The following RNF149 variants were observed in gnomAD, a reference collection of about 807,000 sequenced individuals.
The protein encoded by RNF149 is E3 ubiquitin-protein ligase RNF149.
In RNF149, 21 loss-of-function variants were observed where a neutral mutation model predicts 39.0. The ratio of observed to expected loss-of-function variants is 0.54; its 90% CI spans 0.38 to 0.77. RNF149 has a LOEUF of 0.77. Among genes scored for constraint, RNF149 ranks in the 30% least tolerant of loss-of-function variants. The probability of loss-of-function intolerance (pLI) is 0.00; values close to 1 mark genes in which losing one functional copy is unlikely to be tolerated. For missense variants in RNF149, 493 were observed against 534.9 expected (o/e 0.92, Z 0.77); for synonymous variants, 209 against 213.6 (o/e 0.98, Z 0.19).
downstream of RNF149, chr2:101,273,224 G>C (rs886653454): frequency 3.4e-6 from 3 of 890,800 alleles, no homozygotes; most frequent in African/African-American, 1.7e-5. Context: ...CGAGGAAACA[G>C]GACAGCAGGC....
chr2:101,304,835 A>ATTTTTTTTTTTTTTTTTTTTTTTTTTTT (rs11340908), intron 1 of RNF149, among the ~76,000 whole-genome samples: 1 of 89,750 alleles, frequency 1.1e-5, no homozygotes, highest in Non-Finnish European at 2.2e-5. Context: ...GACTACTAGT[A>ATTTTTTTTTTTTTTTTTTTTTTTTTTTT]TTTTTTTTTT....
intron 6 of RNF149, 117 bp from the exon 7 acceptor site, chr2:101,277,398 A>C: frequency 7.3e-7 from 1 of 1,376,690 alleles, no homozygotes. Context: ...AGAAAAAAAA[A>C]TTTTTTTTGA....
intron 5 of RNF149, among the ~76,000 whole-genome samples, chr2:101,284,587 C>A (rs12712094): frequency 0.39 from 59,772 of 151,814 alleles, 12,296 homozygotes; most frequent in East Asian, 0.52. Flanking sequence ...TCAAAAAAAA[C>A]CAAACAAATC....
intron 1 of RNF149, among the ~76,000 whole-genome samples, chr2:101,305,250 T>C (rs535278913): frequency 3.9e-5 from 6 of 152,334 alleles, no homozygotes; most frequent in African/African-American, 1.4e-4. Flanking sequence ...CTAGTCACAC[T>C]GACTAAATAC....
Position 101,302,630 on chromosome 2 carries a change from T to C in RNF149, c.460+5499A>G, listed in dbSNP as rs149921417. ...CTGCCACTCAGAATGTCCTATAGCC[T>C]ACTCACCTCTACCGCACACAACACA... On this transcript the variant is annotated intron_variant, in intron 1 of 6. Coordinates refer to ENST00000295317, the MANE Select transcript of RNF149 (RefSeq NM_173647.4). Among the ~76,000 whole-genome samples the C allele has an allele frequency of 6.2e-3, 949 of 152,264 alleles. 4 individuals are homozygous for C. The highest frequency in any genetic ancestry group is 0.022 in the African/African-American group (908 of 41,556).
chr2:101,280,947 T>C (rs1259779640), intron 6 of RNF149, among the ~76,000 whole-genome samples: 2 of 152,140 alleles, frequency 1.3e-5, no homozygotes, highest in African/African-American at 2.4e-5. Flanking sequence ...GGTGGCAGGA[T>C]TGGTTAAGCC....
At chr2:101,274,776 A>T (rs1682264748), downstream of RNF149, among the ~76,000 whole-genome samples, 3 of 152,162 alleles carry the variant, frequency 2.0e-5, no homozygotes, top group Admixed American at 2.0e-4. Flanking sequence ...ATTTTCCCCT[A>T]GCATTTCTTT....
In RNF149 at chr2:101,277,191, T is replaced by C; in HGVS notation, c.*47A>G. 6.2e-7 allele frequency: 1 copy of C among 1,609,632 alleles called. No individual in the cohort carries two copies. Among genetic ancestry groups the C allele is most frequent in the Non-Finnish European group, 8.5e-7 (1 of 1,177,502 alleles). ...AAAGTAAAAAAAATAAAATGTCCTTTAGTTCAAGCCAAACTTCTGTTGGTG... is the reference window on the plus strand; with the variant it reads ...AAAGTAAAAAAAATAAAATGTCCTTCAGTTCAAGCCAAACTTCTGTTGGTG... On this transcript the variant is annotated 3_prime_UTR_variant, in exon 7 of 7. Coordinates refer to ENST00000295317, the MANE Select transcript of RNF149 (RefSeq NM_173647.4).
At chr2:101,274,389 G>T (rs565317154), downstream of RNF149, among the ~76,000 whole-genome samples, 2 of 152,216 alleles carry the variant, frequency 1.3e-5, no homozygotes, top group Non-Finnish European at 2.9e-5. Flanking sequence ...GCTGTATGGC[G>T]TGTGAAGTCA....
intron 3 of RNF149, among the ~76,000 whole-genome samples, chr2:101,292,972 C>CTTTTTTTTTTTTTTT (rs34103366): frequency 7.7e-6 from 1 of 130,556 alleles, no homozygotes. Context: ...GAGATGTGAT[C>CTTTTTTTTTTTTTTT]TTTTTTTTTT....
chr2:101,288,525 A>AT (rs1196319056), intron 4 of RNF149, among the ~76,000 whole-genome samples: 3 of 152,062 alleles, frequency 2.0e-5, no homozygotes, highest in Non-Finnish European at 4.4e-5. Flanking sequence ...AGCCAGGAAT[A>AT]TTGATTTTAA....
chr2:101,279,297 T>C (rs1163318170), intron 6 of RNF149, among the ~76,000 whole-genome samples: 3 of 152,332 alleles, frequency 2.0e-5, no homozygotes, highest in East Asian at 1.9e-4. Flanking sequence ...CATGATTTCA[T>C]GATTTCTACC....
Position 101,289,014 on chromosome 2 carries a change from T to C in RNF149, c.822A>G (p.Glu274=). ...TAATAATATCCTTTACTTTGAAATT[T>C]TCAATACACACTGCACAATTTTCAG... is the stretch of plus-strand genomic sequence containing the variant. The part of the protein sequence containing the change: ...VDAENCAVCI[E]NFKVKDIIRI... The change falls in exon 4 of 7, where the codon GAA becomes GAG. Residue 274 remains glutamate, a synonymous_variant. Coordinates refer to ENST00000295317, the MANE Select transcript of RNF149 (RefSeq NM_173647.4). 1 of 1,594,410 alleles carries C rather than the reference T, an allele frequency of 6.3e-7. No homozygotes were observed. Among genetic ancestry groups the C allele is most frequent in the Non-Finnish European group, 8.6e-7 (1 of 1,163,334 alleles).
At chr2:101,289,492 G>T (rs528950543) in intron 3 of RNF149, among the ~76,000 whole-genome samples, 1 of 152,054 alleles carries the variant, frequency 6.6e-6, no homozygotes, top group African/African-American at 2.4e-5. Context: ...GGATCATGGG[G>T]TCAGGAGATT....
At chr2:101,307,380 T>C (rs1683706502) in intron 1 of RNF149, among the ~76,000 whole-genome samples, 1 of 152,198 alleles carries the variant, frequency 6.6e-6, no homozygotes, top group Admixed American at 6.5e-5. Context: ...ATGGGGTCTA[T>C]GTTGGCCAGG....
At chr2:101,289,486 C>G (rs997163576) in intron 3 of RNF149, among the ~76,000 whole-genome samples, 1 of 152,074 alleles carries the variant, frequency 6.6e-6, no homozygotes, top group African/African-American at 2.4e-5. Context: ...GAGGGCGGAT[C>G]ATGGGGTCAG....
chr2:101,297,243 G>A (rs1459952338), intron 1 of RNF149, among the ~76,000 whole-genome samples: 4 of 150,084 alleles, frequency 2.7e-5, no homozygotes, highest in Non-Finnish European at 4.4e-5. Context: ...TGGTCAACTT[G>A]GAAAAAATAG....
chr2:101,300,809 G>T (rs2104430723), intron 1 of RNF149, among the ~76,000 whole-genome samples: 1 of 152,326 alleles, frequency 6.6e-6, no homozygotes, highest in Admixed American at 6.5e-5. Context: ...ACATTTCAGG[G>T]GATGAACTGG....
chr2:101,292,882 T>C (rs1368605682), intron 3 of RNF149, among the ~76,000 whole-genome samples: 1 of 152,268 alleles, frequency 6.6e-6, no homozygotes, highest in East Asian at 1.9e-4. Context: ...TGTGCAGAGT[T>C]TGTCACAGGG....
Sources: gnomAD v4.1 joint callset for allele counts (sites outside exome capture counted in the v4.1 genomes callset) on GRCh38, gnomAD v4.1.1 for gene constraint, MANE v1.5 for transcripts, NCBI Gene and HGNC (gene_info 2026-07-23, HGNC 2026-07-21) for gene names.